The following TEX11 variants were observed in gnomAD, a reference collection of about 807,000 sequenced individuals.
The protein encoded by TEX11 is testis-expressed protein 11.
In TEX11, 7 loss-of-function variants were observed where a neutral mutation model predicts 84.4. That is an observed-to-expected ratio of 0.08 (90% CI 0.05 to 0.16). The LOEUF (loss-of-function observed/expected upper bound fraction) is 0.16, where lower values mean the gene tolerates loss of function less well. Among genes scored for constraint, TEX11 ranks in the 10% least tolerant of loss-of-function variants. TEX11 has a pLI of 1.00. For missense variants in TEX11, 551 were observed against 660.5 expected (o/e 0.83, Z 1.82); for synonymous variants, 264 against 222.8 (o/e 1.18, Z -1.64).
intron 25 of TEX11, among the ~76,000 whole-genome samples, chrX:70,587,051 C>A (rs902640739): frequency 8.9e-6 from 1 of 112,136 alleles, no homozygotes; most frequent in African/African-American, 3.2e-5. Context: ...GGCATTTTGC[C>A]TCTGCCCTAG....
chrX:70,630,482 CAAGTT>C (rs2089498956), intron 17 of TEX11, among the ~76,000 whole-genome samples: 1 of 110,435 alleles, frequency 9.1e-6, no homozygotes, highest in African/African-American at 3.3e-5. Flanking sequence ...TGGAATATGA[CAAGTT>C]AAATATGTGT....
In TEX11 at chrX:70,671,910, T is replaced by TATATATATATATATATATAG. The variant is rs57166359; in HGVS notation, c.1243-1397_1243-1396insCTATATATATATATATATAT. Among the ~76,000 whole-genome samples, 28 of 67,963 alleles carry TATATATATATATATATATAG rather than the reference T, an allele frequency of 4.1e-4. 2 individuals carry two copies. Among genetic ancestry groups the TATATATATATATATATATAG allele is most frequent in the East Asian group, 1.2e-3 (2 of 1,704 alleles). 59.0% of individuals were successfully genotyped at this position (67,963 alleles called of 115,157 possible). On this transcript the variant is annotated intron_variant, in intron 15 of 29. Coordinates refer to ENST00000374333, the MANE Select transcript of TEX11 (RefSeq NM_031276.3). ...ATATATATATATATATATATATATA[T>TATATATATATATATATATAG]ACACACACACATAGCTAAAACCATC...
At chrX:70,772,971 A>G (rs1362513183) in intron 9 of TEX11, among the ~76,000 whole-genome samples, 1 of 110,635 alleles carries the variant, frequency 9.0e-6, no homozygotes, top group Non-Finnish European at 1.9e-5. Flanking sequence ...AAAAGAGTGA[A>G]GAAAGCCTAT....
At position 70,715,885 on chromosome X, in the gene TEX11, A is replaced by G. The variant is rs1215435664; in HGVS notation, c.1004+6733T>C. ...AGGTGCTCTGATTTTTAGAGTTTCC[A>G]GTTTTTCTGCTCTGTTTTTTCCCCA... On this transcript the variant is annotated intron_variant, in intron 13 of 29. Coordinates refer to ENST00000374333, the MANE Select transcript of TEX11 (RefSeq NM_031276.3). Among the ~76,000 whole-genome samples the G allele has an allele frequency of 2.7e-5, 3 of 110,495 alleles. No individual in the cohort carries two copies. In the East Asian group the frequency reaches 8.6e-4, roughly 32 times the overall value.
At chrX:70,585,365 T>C (rs777808120) in intron 25 of TEX11, among the ~76,000 whole-genome samples, 22 of 112,362 alleles carry the variant, frequency 2.0e-4, no homozygotes, top group Admixed American at 1.7e-3. Flanking sequence ...AAAGAAGACC[T>C]AAATAAATGA....
chrX:70,842,918 A>G (rs1010155369), intron 7 of TEX11, among the ~76,000 whole-genome samples: 3 of 111,803 alleles, frequency 2.7e-5, no homozygotes, highest in African/African-American at 9.8e-5. Flanking sequence ...AATCCAACTT[A>G]CAAGGGATGT....
At chrX:70,751,456 G>T (rs191166965) in intron 9 of TEX11, among the ~76,000 whole-genome samples, 2 of 88,585 alleles carry the variant, frequency 2.3e-5, no homozygotes, top group Non-Finnish European at 2.2e-5. Flanking sequence ...ACACAGGAAG[G>T]GGAGCATCAC....
intron 16 of TEX11, among the ~76,000 whole-genome samples, chrX:70,659,101 A>T (rs907776783): frequency 1.1e-4 from 12 of 112,365 alleles, no homozygotes; most frequent in Non-Finnish European, 5.6e-5. Context: ...AAACTATACA[A>T]GTCTTAGAAG....
At chrX:70,748,243 A>G (rs1332718476) in intron 9 of TEX11, among the ~76,000 whole-genome samples, 1 of 111,665 alleles carries the variant, frequency 9.0e-6, no homozygotes, top group African/African-American at 3.3e-5. Flanking sequence ...GCTCAATGAA[A>G]TTCAACAGGA....
At position 70,609,233 on chromosome X, in the gene TEX11, T is replaced by C. The variant is rs955678447; in HGVS notation, c.1793-56A>G. 9.5e-6 allele frequency: 10 copies of C among 1,054,290 alleles called. No individual in the cohort carries two copies. The African/African-American group carries it at 1.1e-4, about 12-fold the overall frequency. 86.9% of individuals were successfully genotyped at this position (1,054,290 alleles called of 1,213,427 possible). A position where few individuals can be genotyped will look rare whatever the true frequency, so the allele number is the denominator to read the frequency against. On this transcript the variant is annotated intron_variant, in intron 21 of 29. Transcript: ENST00000374333. ...GGTCTTATTTTATACTCTAGCAAAA[T>C]TGTTTAATCCTGCTTTAAGAACAGT...
intron 8 of TEX11, among the ~76,000 whole-genome samples, chrX:70,829,572 A>T (rs1440474588): frequency 9.0e-6 from 1 of 110,948 alleles, no homozygotes; most frequent in Non-Finnish European, 1.9e-5. Context: ...CTCTTGACTT[A>T]AGTAGAAAGA....
intron 13 of TEX11, among the ~76,000 whole-genome samples, chrX:70,709,847 G>A (rs1223376438): frequency 1.8e-5 from 2 of 111,068 alleles, no homozygotes; most frequent in East Asian, 5.6e-4. Context: ...TTGCTTCCCT[G>A]TATCTCTTAT....
chrX:70,889,684 CCT>C (rs2091727395), intron 2 of TEX11, among the ~76,000 whole-genome samples: 1 of 111,026 alleles, frequency 9.0e-6, no homozygotes, highest in South Asian at 3.8e-4. Context: ...TTTCTTTTTC[CCT>C]GTTTGTTTAT....
chrX:70,556,683 T>TA (rs2088291042), intron 25 of TEX11, among the ~76,000 whole-genome samples: 1 of 111,544 alleles, frequency 9.0e-6, no homozygotes, highest in Non-Finnish European at 1.9e-5. Flanking sequence ...CTTTATTGAG[T>TA]ATTTGTTGAC....
At chrX:70,778,654 TTG>T (rs2091017176) in intron 9 of TEX11, among the ~76,000 whole-genome samples, 1 of 110,940 alleles carries the variant, frequency 9.0e-6, no homozygotes, top group South Asian at 3.8e-4. Flanking sequence ...TTTTTGTTTT[TTG>T]TTTGTTTGTT....
intron 25 of TEX11, among the ~76,000 whole-genome samples, chrX:70,579,258 G>A (rs1048097995): frequency 3.7e-5 from 4 of 107,289 alleles, no homozygotes; most frequent in African/African-American, 1.4e-4. Flanking sequence ...GGAGGCGGAG[G>A]TGGGTGGATC....
rs181292190 is a variant in TEX11 at position 70,571,441 on chromosome X, T to C, written c.2141-16641A>G. On this transcript the variant is annotated intron_variant, in intron 25 of 29. Coordinates refer to ENST00000374333, the MANE Select transcript of TEX11 (RefSeq NM_031276.3). ...CCTAGACTCAAGTTGGAAGCTTAGA[T>C]CATCAATTTTCAACCCTTAATCTTT... Among the ~76,000 whole-genome samples the C allele has an allele frequency of 3.1e-3, 349 of 112,502 alleles. 1 individual carries two copies. Among genetic ancestry groups the C allele is most frequent in the African/African-American group, 0.011 (333 of 31,070 alleles).
At chrX:70,547,181 T>G (rs1324737171) in intron 28 of TEX11, among the ~76,000 whole-genome samples, 1 of 109,151 alleles carries the variant, frequency 9.2e-6, no homozygotes, top group Non-Finnish European at 1.9e-5. Flanking sequence ...AAAGAGAAAA[T>G]CTACAGAGAC....
intron 15 of TEX11, among the ~76,000 whole-genome samples, chrX:70,671,005 G>A (rs1304721648): frequency 1.8e-5 from 2 of 111,218 alleles, no homozygotes; most frequent in African/African-American, 6.5e-5. Context: ...ATTAATCTAT[G>A]TTGCTATGTA....
Sources: gnomAD v4.1 joint callset for allele counts (sites outside exome capture counted in the v4.1 genomes callset) on GRCh38, gnomAD v4.1.1 for gene constraint, MANE v1.5 for transcripts, NCBI Gene and HGNC (gene_info 2026-07-23, HGNC 2026-07-21) for gene names.